The following CSMD1 variants were observed in gnomAD, a reference collection of about 807,000 sequenced individuals.
CSMD1 encodes the protein CUB and sushi domain-containing protein 1.
CSMD1 carries 213 observed loss-of-function variants against 417.5 expected under a neutral mutation model. The ratio of observed to expected loss-of-function variants is 0.51; its 90% CI spans 0.46 to 0.57. The LOEUF is 0.57. Among genes scored for constraint, CSMD1 ranks in the 20% least tolerant of loss-of-function variants. CSMD1 has a pLI of 0.00. For missense variants in CSMD1, 6,923 were observed against 4,529.7 expected, an observed-to-expected ratio of 1.53 and a Z score of -15.17; for synonymous variants, 2,862 against 1,736.8, an observed-to-expected ratio of 1.65 and a Z score of -16.11.
chr8:4,254,469 G>A (rs934535057), intron 3 of CSMD1, among the ~76,000 whole-genome samples: 6 of 152,152 alleles, frequency 3.9e-5, no homozygotes, highest in African/African-American at 1.2e-4. Context: ...CATTGCAGCT[G>A]TCATAATGTT....
intron 12 of CSMD1, among the ~76,000 whole-genome samples, chr8:3,449,987 A>C (rs1430852665): frequency 6.6e-6 from 1 of 152,254 alleles, no homozygotes; most frequent in African/African-American, 2.4e-5. Context: ...TGGAAAAGCC[A>C]GACGGGAGAG....
intron 6 of CSMD1, among the ~76,000 whole-genome samples, chr8:3,709,878 C>T (rs1801408772): frequency 6.7e-6 from 1 of 150,158 alleles, no homozygotes; most frequent in Non-Finnish European, 1.5e-5. Flanking sequence ...TACACATGCA[C>T]ATAAGGAGAT....
intron 4 of CSMD1, among the ~76,000 whole-genome samples, chr8:4,021,567 G>T (rs1292898366): frequency 2.0e-5 from 3 of 152,152 alleles, no homozygotes; most frequent in Admixed American, 6.5e-5. Context: ...GTGCACCTGG[G>T]ATCATCCTCA....
chr8:4,149,884 G>T (rs1405871563), intron 3 of CSMD1, among the ~76,000 whole-genome samples: 1 of 152,086 alleles, frequency 6.6e-6, no homozygotes, highest in African/African-American at 2.4e-5. Context: ...GCTGACCCAG[G>T]TCCACTCTAA....
At chr8:4,821,083 T>C (rs183735416) in intron 1 of CSMD1, among the ~76,000 whole-genome samples, 5 of 152,022 alleles carry the variant, frequency 3.3e-5, no homozygotes, top group Non-Finnish European at 7.4e-5. Flanking sequence ...CTTCCTTAAG[T>C]GTAAAAAGAT....
At chr8:3,489,933 T>A (rs112100355) in intron 11 of CSMD1, among the ~76,000 whole-genome samples, 1 of 152,234 alleles carries the variant, frequency 6.6e-6, no homozygotes, top group Non-Finnish European at 1.5e-5. Context: ...ATGTGTGTCA[T>A]GTGATCCTCT....
intron 3 of CSMD1, among the ~76,000 whole-genome samples, chr8:4,147,630 T>C (rs1016678431): frequency 3.9e-5 from 6 of 152,166 alleles, no homozygotes; most frequent in Non-Finnish European, 7.3e-5. Flanking sequence ...ATGTGGCATG[T>C]AGTGCATGAA....
At chr8:4,702,471 C>G (rs1429978944) in intron 1 of CSMD1, among the ~76,000 whole-genome samples, 1 of 152,138 alleles carries the variant, frequency 6.6e-6, no homozygotes, top group South Asian at 2.1e-4. Flanking sequence ...TAGTCCCCTT[C>G]AGTCAAAATG....
At chr8:4,671,822 A>C (rs548382057) in intron 1 of CSMD1, among the ~76,000 whole-genome samples, 1 of 152,126 alleles carries the variant, frequency 6.6e-6, no homozygotes, top group South Asian at 2.1e-4. Context: ...CCAGCGAAAA[A>C]CTTACGTTTG....
intron 10 of CSMD1, among the ~76,000 whole-genome samples, chr8:3,565,550 T>C (rs1175740913): frequency 6.6e-6 from 1 of 152,212 alleles, no homozygotes; most frequent in Non-Finnish European, 1.5e-5. Context: ...ATGTTAACCT[T>C]TTAATACTTC....
intron 2 of CSMD1, among the ~76,000 whole-genome samples, chr8:4,507,352 A>C (rs1802581207): frequency 6.6e-6 from 1 of 152,210 alleles, no homozygotes; most frequent in South Asian, 2.1e-4. Context: ...TAATCTGTTT[A>C]CAAGACTCTC....
At chr8:4,655,262 C>A (rs1804154774) in intron 1 of CSMD1, among the ~76,000 whole-genome samples, 1 of 152,028 alleles carries the variant, frequency 6.6e-6, no homozygotes, top group Non-Finnish European at 1.5e-5. Context: ...ATAGAACCCT[C>A]CCCCTGGGGT....
chr8:3,613,813 C>A (rs1438615720), intron 8 of CSMD1, among the ~76,000 whole-genome samples: 2 of 151,744 alleles, frequency 1.3e-5, no homozygotes, highest in African/African-American at 4.8e-5. Context: ...CAAGCAATGT[C>A]ATAACTATAA....
intron 5 of CSMD1, among the ~76,000 whole-genome samples, chr8:3,814,171 C>G (rs1801242516): frequency 1.3e-5 from 2 of 152,194 alleles, no homozygotes; most frequent in Admixed American, 6.5e-5. Context: ...GCGTGGAAGT[C>G]AAGATGCAAA....
At chr8:4,096,085 T>G (rs757636096) in intron 3 of CSMD1, among the ~76,000 whole-genome samples, 1 of 152,126 alleles carries the variant, frequency 6.6e-6, no homozygotes, top group Non-Finnish European at 1.5e-5. Context: ...ATGTTATATG[T>G]TATCACAAGA....
At chr8:3,684,385 A>G (rs923762592) in intron 7 of CSMD1, among the ~76,000 whole-genome samples, 7 of 148,094 alleles carry the variant, frequency 4.7e-5, no homozygotes, top group African/African-American at 1.2e-4. Flanking sequence ...TATAAAATGT[A>G]TAACATATAA....
intron 2 of CSMD1, among the ~76,000 whole-genome samples, chr8:4,623,759 T>G (rs960069188): frequency 4.6e-5 from 7 of 152,046 alleles, no homozygotes; most frequent in African/African-American, 1.5e-4. Context: ...ATATTTCATA[T>G]AATTTGGCAT....
At chr8:3,307,951 C>T (rs190693289) in intron 24 of CSMD1, 130 bp from the exon 25 acceptor site, 3 of 985,924 alleles carry the variant, frequency 3.0e-6, no homozygotes, top group Non-Finnish European at 2.9e-6. Context: ...CATCATCTCT[C>T]TCTCCTGACC....
intron 3 of CSMD1, among the ~76,000 whole-genome samples, chr8:4,046,783 G>C (rs1585200606): frequency 6.6e-6 from 1 of 152,126 alleles, no homozygotes; most frequent in East Asian, 1.9e-4. Flanking sequence ...TTAATGCACA[G>C]CCTGGGGAGC....
Sources: allele counts gnomAD v4.1 joint callset (sites outside exome capture counted in the v4.1 genomes callset), GRCh38; gene constraint gnomAD v4.1.1; transcripts MANE v1.5; gene names NCBI Gene and HGNC (gene_info 2026-07-23, HGNC 2026-07-21).